RERE: variants seen among roughly 807,000 people sequenced by gnomAD.
RERE encodes arginine-glutamic acid dipeptide repeats.
Under a neutral mutation model 146.1 loss-of-function variants are expected in RERE, and 40 were observed. The observed-to-expected ratio is 0.27, with a 90% CI of 0.21 to 0.36. The LOEUF (loss-of-function observed/expected upper bound fraction) is 0.36, where lower values mean the gene tolerates loss of function less well. RERE is among the 10% of genes least tolerant of loss of function. The probability of loss-of-function intolerance (pLI) is 1.00; values close to 1 mark genes in which losing one functional copy is unlikely to be tolerated. For synonymous variants in RERE, 1,003 were observed against 866.0 expected, an observed-to-expected ratio of 1.16 and a Z score of -2.78; for missense variants, 1,933 against 2,138.7, an observed-to-expected ratio of 0.90 and a Z score of 1.90.
chr1:8,772,648 GCAC>G (rs1205330708), intron 1 of RERE, among the ~76,000 whole-genome samples: 3 of 151,994 alleles, frequency 2.0e-5, no homozygotes, highest in Non-Finnish European at 4.4e-5. Context: ...ATGGTGGCGG[GCAC>G]CTGTAGTCCC....
intron 1 of RERE, among the ~76,000 whole-genome samples, chr1:8,777,743 G>A (rs1641094176): frequency 6.6e-6 from 1 of 151,618 alleles, no homozygotes; most frequent in Non-Finnish European, 1.5e-5. Flanking sequence ...CACCGCATTA[G>A]CCAGGATGGT....
intron 4 of RERE, among the ~76,000 whole-genome samples, chr1:8,596,395 C>T (rs1187119528): frequency 1.3e-5 from 2 of 152,214 alleles, no homozygotes; most frequent in Non-Finnish European, 2.9e-5. Flanking sequence ...TACAAACCAT[C>T]TCCAATCAGT....
intron 1 of RERE, among the ~76,000 whole-genome samples, chr1:8,679,171 A>G (rs1367632207): frequency 6.6e-6 from 1 of 152,180 alleles, no homozygotes; most frequent in Non-Finnish European, 1.5e-5. Context: ...TTTCCTCAAT[A>G]AGCCACTCTC....
At chr1:8,783,228 G>C (rs931865187) in intron 1 of RERE, among the ~76,000 whole-genome samples, 1 of 152,020 alleles carries the variant, frequency 6.6e-6, no homozygotes. Flanking sequence ...CCATCTACTT[G>C]GGAGGCTGAG....
chr1:8,503,197 A>G (rs1212976149), intron 8 of RERE, among the ~76,000 whole-genome samples: 1 of 152,234 alleles, frequency 6.6e-6, no homozygotes, highest in Non-Finnish European at 1.5e-5. Context: ...TCAATTTTGC[A>G]TCTATCATAC....
At chr1:8,516,227 GAAAAAAAAAAA>G (rs58064164) in intron 7 of RERE, among the ~76,000 whole-genome samples, 1 of 52,304 alleles carries the variant, frequency 1.9e-5, no homozygotes, top group Admixed American at 3.0e-4. Context: ...TCTCTCAGAG[GAAAAAAAAAAA>G]AAAAAAAAAA....
chr1:8,692,317 T>A (rs753007798), intron 1 of RERE, among the ~76,000 whole-genome samples: 4 of 151,280 alleles, frequency 2.6e-5, no homozygotes, highest in Non-Finnish European at 5.9e-5. Flanking sequence ...AGTATCTGCA[T>A]ATAACCTACT....
At chr1:8,644,272 G>C (rs980885661) in intron 2 of RERE, among the ~76,000 whole-genome samples, 2 of 152,110 alleles carry the variant, frequency 1.3e-5, no homozygotes, top group African/African-American at 4.8e-5. Context: ...TACTCTTTTG[G>C]AACTGTGAAT....
intron 12 of RERE, among the ~76,000 whole-genome samples, chr1:8,401,038 C>CATATATATATATATATATATATAT (rs59752248): frequency 3.8e-4 from 22 of 57,474 alleles, no homozygotes; most frequent in Admixed American, 7.3e-4. Context: ...AAAAAAAAAC[C>CATATATATATATATATATATATAT]ATATATATAT....
At chr1:8,666,889 G>A (rs185281017) in intron 1 of RERE, among the ~76,000 whole-genome samples, 1 of 152,286 alleles carries the variant, frequency 6.6e-6, no homozygotes, top group Admixed American at 6.5e-5. Context: ...TACCTCTGAG[G>A]TTAATGAGTA....
intron 1 of RERE, among the ~76,000 whole-genome samples, chr1:8,707,478 T>G (rs1331233888): frequency 6.6e-6 from 1 of 152,164 alleles, no homozygotes; most frequent in Admixed American, 6.5e-5. Context: ...TAACCATATC[T>G]TCTGAAGATG....
chr1:8,488,007 G>A (rs1644926016), intron 10 of RERE, among the ~76,000 whole-genome samples: 2 of 150,336 alleles, frequency 1.3e-5, no homozygotes, highest in African/African-American at 4.9e-5. Flanking sequence ...TCAGGAGGCT[G>A]AAGCAGGAGA....
intron 12 of RERE, among the ~76,000 whole-genome samples, chr1:8,382,539 C>T (rs1448863880): frequency 1.3e-5 from 2 of 152,210 alleles, no homozygotes; most frequent in African/African-American, 4.8e-5. Context: ...AACTGGAGTT[C>T]TTAAAATGAA....
chr1:8,527,855 G>A (rs982332747), intron 7 of RERE, among the ~76,000 whole-genome samples: 8 of 151,920 alleles, frequency 5.3e-5, no homozygotes, highest in African/African-American at 1.5e-4. Flanking sequence ...ACTCTCTCCC[G>A]TGGAAAAGTC....
At chr1:8,799,499 G>A (rs997138259) in intron 1 of RERE, 4 of 198,184 alleles carry the variant, frequency 2.0e-5, no homozygotes, top group African/African-American at 7.0e-5. Context: ...CAGAAGCTGT[G>A]GTTTTAGATG....
intron 4 of RERE, among the ~76,000 whole-genome samples, chr1:8,600,929 T>C (rs750100845): frequency 4.6e-5 from 7 of 151,388 alleles, no homozygotes; most frequent in Non-Finnish European, 8.8e-5. Context: ...TAATTTTTTG[T>C]ATTTTTAGTA....
At chr1:8,530,679 C>CTTTTTTTTTTTTT (rs1197212764) in intron 7 of RERE, among the ~76,000 whole-genome samples, 10 of 96,950 alleles carry the variant, frequency 1.0e-4, no homozygotes, top group African/African-American at 4.0e-4. Context: ...TTTTCGTTTT[C>CTTTTTTTTTTTTT]TTTTTTTTTT....
At chr1:8,578,199 GT>G (rs1296127722) in intron 4 of RERE, among the ~76,000 whole-genome samples, 1 of 152,078 alleles carries the variant, frequency 6.6e-6, no homozygotes, top group African/African-American at 2.4e-5. Context: ...AACATATTTT[GT>G]CTATGTTTCG....
intron 1 of RERE, among the ~76,000 whole-genome samples, chr1:8,706,452 C>T (rs1012010556): frequency 2.0e-5 from 3 of 152,152 alleles, no homozygotes; most frequent in Admixed American, 1.3e-4. Context: ...TAGAAGCCAT[C>T]GCTAGTTTAT....
Sources: gnomAD v4.1 joint callset for allele counts (sites outside exome capture counted in the v4.1 genomes callset) on GRCh38, gnomAD v4.1.1 for gene constraint, MANE v1.5 for transcripts, NCBI Gene and HGNC (gene_info 2026-07-23, HGNC 2026-07-21) for gene names.